The following ADCY1 variants were observed in gnomAD, a reference collection of about 807,000 sequenced individuals.
The protein encoded by ADCY1 is adenylate cyclase type 1.
In ADCY1, 28 loss-of-function variants were observed where a neutral mutation model predicts 105.4. The observed-to-expected ratio is 0.27, with a 90% CI of 0.20 to 0.36. The LOEUF (loss-of-function observed/expected upper bound fraction) is 0.36. Ranked by LOEUF, ADCY1 falls within the 10% of genes least tolerant of loss-of-function variation. The pLI is 1.00. For synonymous variants in ADCY1, 655 were observed against 623.8 expected, an observed-to-expected ratio of 1.05 and a Z score of -0.75; for missense variants, 977 against 1,434.2, an observed-to-expected ratio of 0.68 and a Z score of 5.15.
chr7:45,627,150 A>C (rs1208296556), intron 4 of ADCY1, among the ~76,000 whole-genome samples: 1 of 152,216 alleles, frequency 6.6e-6, no homozygotes, highest in Non-Finnish European at 1.5e-5. Flanking sequence ...TGGCCAGCAC[A>C]TGATGTCATC....
chr7:45,651,540 C>T (rs117833488), intron 5 of ADCY1, among the ~76,000 whole-genome samples: 2,091 of 152,208 alleles, frequency 0.014, 27 homozygotes, highest in South Asian at 0.06. Flanking sequence ...GTGAAGTGGC[C>T]AGAGCTAACC....
intron 14 of ADCY1, among the ~76,000 whole-genome samples, chr7:45,691,389 C>T (rs979977041): frequency 6.6e-6 from 1 of 152,220 alleles, no homozygotes; most frequent in Non-Finnish European, 1.5e-5. Flanking sequence ...AAACACAGAA[C>T]TTTGTAGACT....
At chr7:45,684,904 T>C in intron 11 of ADCY1, 75 bp from the exon 12 acceptor site, 1 of 1,333,574 alleles carries the variant, frequency 7.5e-7, no homozygotes, top group Non-Finnish European at 1.1e-6. Context: ...CATTCCACTA[T>C]AGGAAGTATT....
chr7:45,592,763 G>T lies in ADCY1; in HGVS notation c.644G>T (p.Gly215Val), dbSNP rs976166587. The change falls in exon 2 of 20, where the codon GGT becomes GTT. Residue 215 changes from glycine to valine, a missense_variant. Physicochemically the swap from Gly to Val is moderately radical, Grantham distance 109 (BLOSUM62 -3). Transcript: ENST00000297323. ...AKRPRLWRTLGANALLFVGVN... is the reference protein window; with the variant it reads ...AKRPRLWRTLVANALLFVGVN... ...TGCCTCCTTCTCTCCCTGCAGCTCG[G>T]TGCCAATGCCTTGCTCTTCGTCGGT... 54 of 1,614,088 alleles carry T rather than the reference G, an allele frequency of 3.3e-5. No individual in the cohort carries two copies. The Admixed American group carries it at 8.3e-4, about 25-fold the overall frequency.
At chr7:45,667,511 A>G (rs927713118) in intron 8 of ADCY1, among the ~76,000 whole-genome samples, 1 of 152,216 alleles carries the variant, frequency 6.6e-6, no homozygotes, top group African/African-American at 2.4e-5. Flanking sequence ...TACCAGTACC[A>G]TGCTGTTTTG....
chr7:45,686,335 T>G lies in ADCY1; in HGVS notation c.2327+120T>G, dbSNP rs1358088801. ...AGTCAAGTTGAATTGTATACACAAT[T>G]TTTAGTTTGGTGGCTGCTTCTCTTC... On this transcript the variant is annotated intron_variant, in intron 13 of 19. Coordinates refer to ENST00000297323, the MANE Select transcript of ADCY1 (RefSeq NM_021116.4). The surrounding 1 kb of genome is among the most constrained non-coding windows in gnomAD (Gnocchi z 4.3). 2.1e-6 allele frequency: 3 copies of G among 1,463,410 alleles called. No individual in the cohort carries two copies. The East Asian group carries it at 7.0e-5, about 34-fold the overall frequency. 90.7% of individuals were successfully genotyped at this position (1,463,410 alleles called of 1,614,324 possible).
At position 45,720,499 on chromosome 7, in the gene ADCY1, G is replaced by C. The variant is rs1377006011; in HGVS notation, c.*6504G>C. The C allele has an allele frequency of 6.9e-6, 1 of 145,480 alleles. No homozygotes were observed. The highest frequency in any genetic ancestry group is 1.5e-5 in the Non-Finnish European group (1 of 67,200). 9.0% of individuals were successfully genotyped at this position (145,480 alleles called of 1,614,324 possible). On this transcript the variant is annotated 3_prime_UTR_variant, in exon 20 of 20. Transcript: ENST00000297323. Reference sequence around the variant, plus strand: ...CCATTGCACTCCAGCCTGGGCGACAGAGCAAGACTCTCTCAAAAAAAAAAA... The same window carrying C: ...CCATTGCACTCCAGCCTGGGCGACACAGCAAGACTCTCTCAAAAAAAAAAA...
chr7:45,660,214 ATCCT>A (rs755793912), intron 7 of ADCY1, 31 bp downstream of exon 7: 5 of 1,613,124 alleles, frequency 3.1e-6, no homozygotes, highest in Non-Finnish European at 4.2e-6. Flanking sequence ...CATTTGGTTG[ATCCT>A]TAGCTTCTTG....
rs1451473614 is a variant in ADCY1 at position 45,601,418 on chromosome 7, C to T, written c.789+8510C>T. On this transcript the variant is annotated intron_variant, in intron 2 of 19. Coordinates refer to ENST00000297323, the MANE Select transcript of ADCY1 (RefSeq NM_021116.4). ...TGTGGGTGATGAGGGGCGGTGGTATCCATACCTGAGCGCACTGCACCCTTA... is the reference window on the plus strand; with the variant it reads ...TGTGGGTGATGAGGGGCGGTGGTATTCATACCTGAGCGCACTGCACCCTTA... Among the ~76,000 whole-genome samples, 11 of 152,312 alleles carry T rather than the reference C, an allele frequency of 7.2e-5. No homozygotes were observed. The East Asian group carries it at 1.5e-3, about 21-fold the overall frequency.
chr7:45,632,025 T>TGTTA (rs1794272109), intron 4 of ADCY1, among the ~76,000 whole-genome samples: 1 of 152,220 alleles, frequency 6.6e-6, no homozygotes, highest in African/African-American at 2.4e-5. Context: ...TTTTTTTTGT[T>TGTTA]GTTATCTTGA....
intron 2 of ADCY1, among the ~76,000 whole-genome samples, chr7:45,606,111 C>T (rs1408847175): frequency 1.3e-5 from 2 of 152,182 alleles, no homozygotes; most frequent in African/African-American, 4.8e-5. Flanking sequence ...GTTCTAGTCC[C>T]TCATGGTCCC....
intron 4 of ADCY1, among the ~76,000 whole-genome samples, chr7:45,642,001 ATGTCTTGAT>A (rs1350042499): frequency 6.6e-6 from 1 of 151,104 alleles, no homozygotes; most frequent in Non-Finnish European, 1.5e-5. Flanking sequence ...AGATGGACAT[ATGTCTTGAT>A]TGTCTTGCGA....
intron 4 of ADCY1, among the ~76,000 whole-genome samples, chr7:45,627,545 A>G (rs1411666189): frequency 1.3e-5 from 2 of 152,226 alleles, no homozygotes; most frequent in African/African-American, 2.4e-5. Flanking sequence ...GGACAGTGCC[A>G]TGCCAGTGTG....
chr7:45,595,417 C>G (rs1422780268), intron 2 of ADCY1, among the ~76,000 whole-genome samples: 2 of 152,196 alleles, frequency 1.3e-5, no homozygotes, highest in Admixed American at 6.5e-5. Flanking sequence ...TTTCTCCCTC[C>G]CTGCCTCCCT....
rs900756162 is a variant in ADCY1 at position 45,720,122 on chromosome 7, T to G, written c.*6127T>G. The G allele has an allele frequency of 7.9e-5, 12 of 152,118 alleles. No homozygotes were observed. The highest frequency in any genetic ancestry group is 2.9e-4 in the African/African-American group (12 of 41,402). The allele number at this position is 152,118 out of a possible 1,614,324, so 9.4% of individuals were successfully genotyped here. A position where few individuals can be genotyped will look rare whatever the true frequency, so the allele number is the denominator to read the frequency against. On this transcript the variant is annotated 3_prime_UTR_variant, in exon 20 of 20. Coordinates refer to ENST00000297323, the MANE Select transcript of ADCY1 (RefSeq NM_021116.4). ...CCTTCCCAGCTGAGTGTCTGTCAGC[T>G]TCATTCTCTCTCAGCTGTGCAGTGG...
intron 4 of ADCY1, among the ~76,000 whole-genome samples, chr7:45,634,741 T>C (rs1409765099): frequency 6.6e-6 from 1 of 152,196 alleles, no homozygotes; most frequent in Non-Finnish European, 1.5e-5. Context: ...TGATCAGTCA[T>C]ACAGTTTTGA....
At chr7:45,598,565 A>G (rs1793136751) in intron 2 of ADCY1, among the ~76,000 whole-genome samples, 1 of 152,242 alleles carries the variant, frequency 6.6e-6, no homozygotes, top group Non-Finnish European at 1.5e-5. Context: ...TGCTGAGAAT[A>G]ATTTTATGCC....
At chr7:45,683,585 A>G (rs1318735174) in intron 11 of ADCY1, among the ~76,000 whole-genome samples, 1 of 152,110 alleles carries the variant, frequency 6.6e-6, no homozygotes, top group Non-Finnish European at 1.5e-5. Flanking sequence ...GACTATGGTC[A>G]TTGGGGCCAT....
At chr7:45,628,554 G>A (rs1470628717) in intron 4 of ADCY1, among the ~76,000 whole-genome samples, 2 of 152,176 alleles carry the variant, frequency 1.3e-5, no homozygotes, top group East Asian at 3.9e-4. Context: ...AGTATATGAG[G>A]AGGCACCCCT....
Sources: allele counts gnomAD v4.1 joint callset (sites outside exome capture counted in the v4.1 genomes callset), GRCh38; gene constraint gnomAD v4.1.1; non-coding constraint Gnocchi (gnomAD v3.1); transcripts MANE v1.5; gene names NCBI Gene and HGNC (gene_info 2026-07-23, HGNC 2026-07-21).